TRDMT1: variants seen among roughly 807,000 people sequenced by gnomAD.
The protein encoded by TRDMT1 is tRNA aspartic acid methyltransferase 1, also known as tRNA (cytosine(38)-C(5))-methyltransferase.
In TRDMT1, 49 loss-of-function variants were observed where a neutral mutation model predicts 51.2. The observed-to-expected ratio is 0.96, with a 90% CI of 0.76 to 1.21. TRDMT1 has a LOEUF of 1.21. Ranked by LOEUF, TRDMT1 falls within the 50% of genes most tolerant of loss-of-function variation. The pLI is 0.00. For synonymous variants in TRDMT1, 187 were observed against 164.6 expected (o/e 1.14, Z -1.04); for missense variants, 534 against 462.3 (o/e 1.16, Z -1.42).
In TRDMT1 at chr10:17,159,177, G is replaced by T; in HGVS notation, c.512C>A (p.Ser171Ter). ...AGGGGCTTGAAAGGGTAATGGCTCTGACTGAAGCTTTGCAATAAGAAAATA... is the reference window on the plus strand; with the variant it reads ...AGGGGCTTGAAAGGGTAATGGCTCTTACTGAAGCTTTGCAATAAGAAAATA... ...LRYFLIAKLQ[S>*]EPLPFQAPGQ... Residue 171 changes from serine (S) to a stop codon, truncating the protein, a stop_gained, in exon 7 of 11, where the codon TCA becomes TAA. Coordinates refer to ENST00000377799, the MANE Select transcript of TRDMT1 (RefSeq NM_004412.7). LOFTEE classifies it high-confidence loss of function. The T allele has an allele frequency of 5.0e-6, 8 of 1,604,528 alleles. No individual in the cohort carries two copies. Among genetic ancestry groups the T allele is most frequent in the Non-Finnish European group, 6.8e-6 (8 of 1,174,980 alleles).
At chr10:17,192,016 T>C (rs1844752432) in intron 1 of TRDMT1, among the ~76,000 whole-genome samples, 1 of 152,008 alleles carries the variant, frequency 6.6e-6, no homozygotes, top group Non-Finnish European at 1.5e-5. Flanking sequence ...AGTCAGGGTG[T>C]GACACTGAAC....
intron 1 of TRDMT1, among the ~76,000 whole-genome samples, chr10:17,187,105 A>G (rs73606349): frequency 0.054 from 8,230 of 152,226 alleles, 706 homozygotes; most frequent in African/African-American, 0.19. Context: ...TCTCTGGAAA[A>G]AGGAACATGA....
intron 1 of TRDMT1, among the ~76,000 whole-genome samples, chr10:17,177,057 T>G (rs1186829595): frequency 6.6e-6 from 1 of 152,028 alleles, no homozygotes; most frequent in Non-Finnish European, 1.5e-5. Context: ...AGTACTTTGA[T>G]GTATTACTTT....
At chr10:17,196,091 T>A (rs1364939530) in intron 1 of TRDMT1, among the ~76,000 whole-genome samples, 1 of 152,204 alleles carries the variant, frequency 6.6e-6, no homozygotes, top group Non-Finnish European at 1.5e-5. Context: ...GCTGGTCTAG[T>A]AGACTCCCAA....
chr10:17,194,932 C>CAAA (rs71377022), intron 1 of TRDMT1, among the ~76,000 whole-genome samples: 22 of 99,580 alleles, frequency 2.2e-4, no homozygotes, highest in Non-Finnish European at 2.5e-4. Flanking sequence ...GAATCCGACT[C>CAAA]AAAAAAAAAA....
chr10:17,158,460 A>G (rs1839863397), intron 7 of TRDMT1, among the ~76,000 whole-genome samples: 1 of 152,160 alleles, frequency 6.6e-6, no homozygotes, highest in Non-Finnish European at 1.5e-5. Context: ...GAAAGGGAGC[A>G]ATATTAGTAT....
In TRDMT1 at chr10:17,142,859, T is replaced by A. The variant is rs1452060617; in HGVS notation, c.*6181A>T. On this transcript the variant is annotated 3_prime_UTR_variant, in exon 11 of 11. Transcript: ENST00000377799. ...GTCTTCCTGGTCCCACCTTTCAGAA[T>A]TCTCCTTCTGATTCCTCTTGCATTA... is the stretch of plus-strand genomic sequence containing the variant. 3.6e-6 allele frequency: 2 copies of A among 554,784 alleles called. No individual in the cohort carries two copies. The highest frequency in any genetic ancestry group is 4.6e-6 in the Non-Finnish European group (2 of 436,340). The allele number at this position is 554,784 out of a possible 1,614,324, so 34.4% of individuals were successfully genotyped here.
chr10:17,201,447 G>GCCCCACAGTGTCCT, intron 1 of TRDMT1, 124 bp downstream of exon 1: 2 of 1,061,548 alleles, frequency 1.9e-6, no homozygotes, highest in Non-Finnish European at 2.7e-6. Context: ...ACCGAGGGCC[G>GCCCCACAGTGTCCT]CCCCACAGTG....
In TRDMT1 at chr10:17,143,717, C is replaced by T. The variant is rs916575560; in HGVS notation, c.*5323G>A. On this transcript the variant is annotated 3_prime_UTR_variant, in exon 11 of 11. Transcript: ENST00000377799. ...ATAAGTTTTCCTAAAAATAAATGAT[C>T]GTTCAGAGGCCTGCCTTAGGAAGGC... is the stretch of plus-strand genomic sequence containing the variant. 97 of 985,218 alleles carry T rather than the reference C, an allele frequency of 9.8e-5. No individual in the cohort carries two copies. Among genetic ancestry groups the T allele is most frequent in the Non-Finnish European group, 1.1e-4 (90 of 829,916 alleles). 61.0% of individuals were successfully genotyped at this position (985,218 alleles called of 1,614,324 possible).
At position 17,157,736 on chromosome 10, in the gene TRDMT1, C is replaced by T. The variant is rs765408150; in HGVS notation, c.592G>A (p.Ala198Thr). 1.2e-6 allele frequency: 2 copies of T among 1,609,900 alleles called. No individual in the cohort carries two copies. The highest frequency in any genetic ancestry group is 1.7e-5 in the Admixed American group (1 of 59,752). The change falls in exon 8 of 11, where the codon GCA becomes ACA. Residue 198 changes from alanine to threonine, a missense_variant. Physicochemically the swap from Ala to Thr is moderately conservative, Grantham distance 58. Transcript: ENST00000377799. ...TGAATTTTATTTTCTACATCCATTG[C>T]ATATTTTTGTGGATGTACAGATTCA... ...KIESVHPQKY[A>T]MDVENKIQEK...
chr10:17,146,230 T>C lies in TRDMT1; in HGVS notation c.*2810A>G. 3 of 985,482 alleles carry C rather than the reference T, an allele frequency of 3.0e-6. No individual in the cohort carries two copies. Among genetic ancestry groups the C allele is most frequent in the Non-Finnish European group, 3.6e-6 (3 of 829,944 alleles). The allele number at this position is 985,482 out of a possible 1,614,324, so 61.0% of individuals were successfully genotyped here. A position where few individuals can be genotyped will look rare whatever the true frequency, so the allele number is the denominator to read the frequency against. ...CTGTTCACAATTTCAACTACTGTTT[T>C]TGCCTCTTTAGAAGGCTCTCCTTTT... On this transcript the variant is annotated 3_prime_UTR_variant, in exon 11 of 11. Transcript: ENST00000377799.
chr10:17,165,641 A>G (rs1254308414), intron 3 of TRDMT1, among the ~76,000 whole-genome samples: 2 of 152,176 alleles, frequency 1.3e-5, no homozygotes, highest in African/African-American at 4.8e-5. Context: ...GCTAATATCC[A>G]GAATCTACAA....
rs557007108 is a variant in TRDMT1, at chr10:17,148,847, G to T, written c.*193C>A. The T allele has an allele frequency of 2.5e-6, 3 of 1,178,636 alleles. No individual in the cohort carries two copies. The African/African-American group carries it at 4.7e-5, about 19-fold the overall frequency. The allele number at this position is 1,178,636 out of a possible 1,614,324, so 73.0% of individuals were successfully genotyped here. On this transcript the variant is annotated 3_prime_UTR_variant, in exon 11 of 11. Coordinates refer to ENST00000377799, the MANE Select transcript of TRDMT1 (RefSeq NM_004412.7). ...TCTCCATAAAGCATAACAATAGTTC[G>T]TATTTTATAAAATACAGTAATATAA...
Position 17,137,399 on chromosome 10 carries a change from T to C in TRDMT1, c.*11641A>G, listed in dbSNP as rs900486438. 8 of 152,148 alleles carry C rather than the reference T, an allele frequency of 5.3e-5. No individual in the cohort carries two copies. The highest frequency in any genetic ancestry group is 2.6e-4 in the Admixed American group (4 of 15,282). The allele number at this position is 152,148 out of a possible 1,614,324, so 9.4% of individuals were successfully genotyped here. ...TTACAATAAAGTCGTAATGTACAAA[T>C]CTGGAGAGCCAGAGTTAGGCAACAT... On this transcript the variant is annotated 3_prime_UTR_variant, in exon 11 of 11. Coordinates refer to ENST00000377799, the MANE Select transcript of TRDMT1 (RefSeq NM_004412.7).
At chr10:17,191,497 A>G (rs1844673737) in intron 1 of TRDMT1, among the ~76,000 whole-genome samples, 1 of 152,188 alleles carries the variant, frequency 6.6e-6, no homozygotes, top group Admixed American at 6.5e-5. Context: ...AGTGAGGCAG[A>G]GAAGGAGGGA....
At chr10:17,156,016 T>C (rs10904891) in intron 8 of TRDMT1, among the ~76,000 whole-genome samples, 20,877 of 152,082 alleles carry the variant, frequency 0.14, 1,529 homozygotes, top group Admixed American at 0.17. Flanking sequence ...TTCAAGATAA[T>C]GGAAAGCAAT....
intron 3 of TRDMT1, among the ~76,000 whole-genome samples, chr10:17,166,552 G>A (rs1434570695): frequency 6.6e-6 from 1 of 152,108 alleles, no homozygotes; most frequent in African/African-American, 2.4e-5. Flanking sequence ...TATCTTCAGA[G>A]TCTTAAATAA....
In TRDMT1 at chr10:17,141,249, G is replaced by A. The variant is rs866934532; in HGVS notation, c.*7791C>T. Among the ~76,000 whole-genome samples the A allele has an allele frequency of 1.3e-5, 2 of 152,050 alleles. No individual in the cohort carries two copies. Among genetic ancestry groups the A allele is most frequent in the African/African-American group, 2.4e-5 (1 of 41,384 alleles). ...ACGATCTCAGCTCACTGCAGTCTCC[G>A]CTCCTGGGTTCAAGCCATTCCCCTG... On this transcript the variant is annotated 3_prime_UTR_variant, in exon 11 of 11. Transcript: ENST00000377799.
chr10:17,181,797 A>G (rs1843315094), intron 1 of TRDMT1, among the ~76,000 whole-genome samples: 1 of 152,182 alleles, frequency 6.6e-6, no homozygotes, highest in Non-Finnish European at 1.5e-5. Flanking sequence ...AATATCTGTG[A>G]GATTACCTAT....
Sources: gnomAD v4.1 joint callset for allele counts (sites outside exome capture counted in the v4.1 genomes callset) on GRCh38, gnomAD v4.1.1 for gene constraint, MANE v1.5 for transcripts, NCBI Gene and HGNC (gene_info 2026-07-23, HGNC 2026-07-21) for gene names.